Variants in STRA8 observed in about 807,000 individuals in gnomAD.
The protein encoded by STRA8 is stimulated by retinoic acid gene 8 protein homolog.
STRA8 carries 18 observed loss-of-function variants against 37.1 expected under a neutral mutation model. That is an observed-to-expected ratio of 0.48 (90% CI 0.34 to 0.72). The LOEUF (loss-of-function observed/expected upper bound fraction) is 0.72. Ranked by LOEUF, STRA8 falls within the 30% of genes least tolerant of loss-of-function variation. The pLI is 0.01. For synonymous variants in STRA8, 168 were observed against 162.9 expected, an observed-to-expected ratio of 1.03 and a Z score of -0.24; for missense variants, 357 against 410.4, an observed-to-expected ratio of 0.87 and a Z score of 1.13.
chr7:135,243,445 T>G (rs780719771), intron 4 of STRA8, 35 bp downstream of exon 4: 9 of 1,592,022 alleles, frequency 5.7e-6, no homozygotes, highest in Non-Finnish European at 7.8e-6. Context: ...GCTGGGGACC[T>G]GCTGTGTCCT....
intron 1 of STRA8, among the ~76,000 whole-genome samples, chr7:135,239,934 G>C (rs899814115): frequency 6.6e-6 from 1 of 152,028 alleles, no homozygotes; most frequent in Non-Finnish European, 1.5e-5. Context: ...CGAGTCTAAA[G>C]TGTACCCCTT....
chr7:135,241,161 T>C (rs957639565), intron 2 of STRA8, among the ~76,000 whole-genome samples: 1 of 152,118 alleles, frequency 6.6e-6, no homozygotes, highest in Non-Finnish European at 1.5e-5. Context: ...AGGTGGACAA[T>C]CATCTTTCCA....
Position 135,247,691 on chromosome 7 carries a change from TG to T in STRA8, c.879+992del, listed in dbSNP as rs552664478. 1.8e-4 allele frequency among the ~76,000 whole-genome samples: 27 copies of T among 152,330 alleles called. No individual in the cohort carries two copies. The South Asian group carries it at 5.2e-3, about 29-fold the overall frequency. On this transcript the variant is annotated intron_variant, in intron 6 of 8. Transcript: ENST00000662584. ...CGTCAGTTCCCACCCCAAAGAGCAC[TG>T]GGATCGCTCTGTGAAGGGGAGGTTA...
At chr7:135,251,740 C>T (rs1832636771) in intron 6 of STRA8, 56 bp from the exon 7 acceptor site, 1 of 1,570,850 alleles carries the variant, frequency 6.4e-7, no homozygotes, top group Non-Finnish European at 8.8e-7. Context: ...CAGCCCAGGG[C>T]AAGCATGAAA....
At chr7:135,254,957 G>A (rs919673034) in intron 7 of STRA8, among the ~76,000 whole-genome samples, 157 bp from the exon 8 acceptor site, 17 of 152,242 alleles carry the variant, frequency 1.1e-4, no homozygotes, top group African/African-American at 3.9e-4. Flanking sequence ...TATGTGAGCA[G>A]AGGTAACACA....
At chr7:135,256,089 A>G (rs1832700187) in intron 8 of STRA8, among the ~76,000 whole-genome samples, 1 of 152,246 alleles carries the variant, frequency 6.6e-6, no homozygotes, top group Non-Finnish European at 1.5e-5. Flanking sequence ...TACCTGAGCC[A>G]CAAGGGGACA....
chr7:135,248,591 G>C (rs1175898000), intron 6 of STRA8, among the ~76,000 whole-genome samples: 1 of 152,154 alleles, frequency 6.6e-6, no homozygotes, highest in Non-Finnish European at 1.5e-5. Flanking sequence ...TACACCTGTA[G>C]TCCCAGGTAC....
At chr7:135,236,740 C>A (rs1832384039) in intron 1 of STRA8, among the ~76,000 whole-genome samples, 1 of 152,198 alleles carries the variant, frequency 6.6e-6, no homozygotes, top group African/African-American at 2.4e-5. Flanking sequence ...CCTCCACCCA[C>A]CAAGATTTTC....
At position 135,240,670 on chromosome 7, in the gene STRA8, A is replaced by G. The variant is rs1832450231; in HGVS notation, c.146A>G (p.Asn49Ser). The change falls in exon 2 of 9, where the codon AAC (asparagine) becomes AGC (serine). Residue 49 changes from asparagine (N) to serine (S), a missense_variant. Physicochemically the swap from Asn to Ser is conservative, Grantham distance 46 (BLOSUM62 1). Transcript: ENST00000662584. ...GCCACCCTGGCAGCGCTCTTCAACA[A>G]CCTCAGGAAGACAGTGTACTCTCAG... The part of the protein sequence containing the change: ...HRATLAALFN[N>S]LRKTVYSQSD... 6.2e-7 allele frequency: 1 copy of G among 1,613,968 alleles called. No homozygotes were observed. Among genetic ancestry groups the G allele is most frequent in the East Asian group, 2.2e-5 (1 of 44,852 alleles).
intron 6 of STRA8, among the ~76,000 whole-genome samples, chr7:135,247,691 T>C (rs1297973512): frequency 6.6e-6 from 1 of 152,214 alleles, no homozygotes; most frequent in Admixed American, 6.5e-5. Flanking sequence ...CAAAGAGCAC[T>C]GGGATCGCTC....
In STRA8 at chr7:135,246,936, C is replaced by A. The variant is rs963978032; in HGVS notation, c.879+234C>A. On this transcript the variant is annotated intron_variant, in intron 6 of 8. Transcript: ENST00000662584. The surrounding 1 kb of genome is among the most constrained non-coding windows in gnomAD (Gnocchi z 5.4). Reference sequence around the variant, plus strand: ...CTCGGCTCACTGCAAGCTCTGGCTCCCGGGTTCACCTCATTCTCCTGCCTC... The same window carrying A: ...CTCGGCTCACTGCAAGCTCTGGCTCACGGGTTCACCTCATTCTCCTGCCTC... 1 of 485,708 alleles carries A rather than the reference C, an allele frequency of 2.1e-6. No homozygotes were observed. Among genetic ancestry groups the A allele is most frequent in the Non-Finnish European group, 3.6e-6 (1 of 280,508 alleles). The allele number at this position is 485,708 out of a possible 1,614,324, so 30.1% of individuals were successfully genotyped here.
chr7:135,253,115 A>C (rs1272696698), intron 7 of STRA8, among the ~76,000 whole-genome samples: 1 of 152,132 alleles, frequency 6.6e-6, no homozygotes, highest in Non-Finnish European at 1.5e-5. Context: ...TTGTATTTTT[A>C]GCAGAGACAG....
chr7:135,237,971 G>GA (rs1832403652), intron 1 of STRA8, among the ~76,000 whole-genome samples: 1 of 152,150 alleles, frequency 6.6e-6, no homozygotes, highest in African/African-American at 2.4e-5. Context: ...CACAGAGACG[G>GA]AAAAAATTCC....
chr7:135,233,312 T>C (rs548131064), upstream of STRA8, among the ~76,000 whole-genome samples: 93 of 152,322 alleles, frequency 6.1e-4, no homozygotes, highest in Admixed American at 4.5e-3. Flanking sequence ...TTATTTAAAA[T>C]GCTATTTCCC....
intron 7 of STRA8, 63 bp downstream of exon 7, chr7:135,251,932 G>T (rs559520599): frequency 1.3e-6 from 2 of 1,505,310 alleles, no homozygotes; most frequent in Non-Finnish European, 9.2e-7. Flanking sequence ...TTGTGTGTGC[G>T]CAGGTGTGTA....
chr7:135,232,079 T>A, upstream of STRA8: 2 of 1,593,962 alleles, frequency 1.3e-6, no homozygotes, highest in African/African-American at 1.3e-5. Context: ...AGGACTACAT[T>A]TTTTCTGGGT....
At position 135,246,978 on chromosome 7, in the gene STRA8, G is replaced by A. The variant is rs184454800; in HGVS notation, c.879+276G>A. On this transcript the variant is annotated intron_variant, in intron 6 of 8. Coordinates refer to ENST00000662584, the MANE Select transcript of STRA8 (RefSeq NM_001394401.1). This position sits in a 1 kb window ranked among gnomAD's most constrained non-coding sequence, Gnocchi z 5.4. ...TCCTGCCTCAGCCTCCCGAATAGCT[G>A]GGACTACAGGCGCCCGCCACCACGC... Among the ~76,000 whole-genome samples, 1,065 of 152,114 alleles carry A rather than the reference G, an allele frequency of 7.0e-3. 9 individuals carry two copies. Among genetic ancestry groups the A allele is most frequent in the Middle Eastern group, 0.061 (18 of 294 alleles).
intron 4 of STRA8, 89 bp downstream of exon 4, chr7:135,243,499 C>A: frequency 1.7e-6 from 2 of 1,210,586 alleles, no homozygotes; most frequent in Non-Finnish European, 2.4e-6. Flanking sequence ...CCTTCCTCTC[C>A]AGCCTGCAGG....
intron 7 of STRA8, among the ~76,000 whole-genome samples, chr7:135,253,786 G>A (rs1185707020): frequency 2.6e-5 from 4 of 152,174 alleles, no homozygotes; most frequent in Non-Finnish European, 5.9e-5. Flanking sequence ...TCAGATACCT[G>A]TGCTGCTATC....
Sources: allele counts gnomAD v4.1 joint callset (sites outside exome capture counted in the v4.1 genomes callset), GRCh38; gene constraint gnomAD v4.1.1; non-coding constraint Gnocchi (gnomAD v3.1); transcripts MANE v1.5; gene names NCBI Gene and HGNC (gene_info 2026-07-23, HGNC 2026-07-21).